Variants in FREM2 observed in about 807,000 individuals in gnomAD.
FREM2 encodes FRAS1 related extracellular matrix 2.
A neutral mutation model predicts 219.9 loss-of-function variants in FREM2; 119 were observed. The observed-to-expected ratio is 0.54, with a 90% CI of 0.47 to 0.63. The LOEUF (loss-of-function observed/expected upper bound fraction) is 0.63. Among genes scored for constraint, FREM2 ranks in the 30% least tolerant of loss-of-function variants. The pLI, the probability that FREM2 is intolerant of heterozygous loss-of-function variation, is 0.00. For missense variants in FREM2, 4,030 were observed against 3,993.6 expected (o/e 1.01, Z -0.25); for synonymous variants, 1,562 against 1,522.8 (o/e 1.03, Z -0.60).
At chr13:38,740,605 T>C (rs537125631) in intron 2 of FREM2, among the ~76,000 whole-genome samples, 1 of 152,338 alleles carries the variant, frequency 6.6e-6, no homozygotes, top group African/African-American at 2.4e-5. Context: ...AATCATTCTG[T>C]ATTCTGTTCT....
intron 2 of FREM2, among the ~76,000 whole-genome samples, chr13:38,735,025 C>A (rs961632291): frequency 1.3e-5 from 2 of 152,100 alleles, no homozygotes; most frequent in Non-Finnish European, 1.5e-5. Context: ...GGATTACAGG[C>A]GTGAGCCACT....
chr13:38,718,717 T>C (rs368874638), intron 2 of FREM2, among the ~76,000 whole-genome samples: 27 of 152,352 alleles, frequency 1.8e-4, no homozygotes, highest in Middle Eastern at 6.8e-3. Flanking sequence ...TAAACAATTA[T>C]CTCTTAATTA....
intron 2 of FREM2, among the ~76,000 whole-genome samples, chr13:38,724,529 T>C (rs1356984907): frequency 6.6e-6 from 1 of 152,214 alleles, no homozygotes; most frequent in African/African-American, 2.4e-5. Context: ...TTATGTAAAA[T>C]ACAAATTATC....
At chr13:38,863,173 C>T (rs1877825427) in intron 15 of FREM2, among the ~76,000 whole-genome samples, 1 of 152,126 alleles carries the variant, frequency 6.6e-6, no homozygotes. Context: ...CCTCAGCCTC[C>T]TAAGTAGCTG....
intron 6 of FREM2, among the ~76,000 whole-genome samples, chr13:38,808,833 A>G (rs1250055470): frequency 6.6e-6 from 1 of 151,930 alleles, no homozygotes; most frequent in Non-Finnish European, 1.5e-5. Flanking sequence ...ATGCTGTTGG[A>G]AAAATGATGC....
At chr13:38,721,963 C>A (rs973104238) in intron 2 of FREM2, among the ~76,000 whole-genome samples, 1 of 152,058 alleles carries the variant, frequency 6.6e-6, no homozygotes, top group African/African-American at 2.4e-5. Flanking sequence ...TTTCAAAGCC[C>A]AAGACAGCCC....
chr13:38,695,764 T>G (rs962874898), intron 1 of FREM2, among the ~76,000 whole-genome samples: 4 of 151,830 alleles, frequency 2.6e-5, no homozygotes, highest in African/African-American at 9.7e-5. Context: ...GTGTAGGGGC[T>G]TCAGTTCTTA....
At chr13:38,754,266 G>T (rs1005901570) in intron 2 of FREM2, among the ~76,000 whole-genome samples, 1 of 152,070 alleles carries the variant, frequency 6.6e-6, no homozygotes, top group South Asian at 2.1e-4. Context: ...CCTTTGCTTT[G>T]TCACATAATA....
rs1473613228 is a variant in FREM2 at position 38,844,260 on chromosome 13, C to A, written c.6020-2313C>A. 5.9e-5 allele frequency among the ~76,000 whole-genome samples: 9 copies of A among 152,054 alleles called. No individual in the cohort carries two copies. In the South Asian group the frequency reaches 6.2e-4, roughly 11 times the overall value. On this transcript the variant is annotated intron_variant, in intron 6 of 23. Coordinates refer to ENST00000280481, the MANE Select transcript of FREM2 (RefSeq NM_207361.6). ...TATTTTTATAACATTGTCACATGTG[C>A]CATGCCACCCCCGCCTCTTTCTTTC... is the stretch of plus-strand genomic sequence containing the variant.
At chr13:38,876,540 TGAG>T (rs1878348178) in intron 20 of FREM2, among the ~76,000 whole-genome samples, 158 bp downstream of exon 20, 1 of 152,130 alleles carries the variant, frequency 6.6e-6, no homozygotes, top group Non-Finnish European at 1.5e-5. Flanking sequence ...GATAAAAGAA[TGAG>T]GAGAGATTTG....
At chr13:38,765,760 T>C (rs891218153) in intron 3 of FREM2, among the ~76,000 whole-genome samples, 11 of 152,188 alleles carry the variant, frequency 7.2e-5, no homozygotes, top group African/African-American at 2.7e-4. Context: ...CACACGACAC[T>C]TTCCCTGTCT....
intron 4 of FREM2, among the ~76,000 whole-genome samples, chr13:38,772,727 G>A (rs998199093): frequency 3.4e-5 from 5 of 145,718 alleles, no homozygotes; most frequent in East Asian, 4.0e-4. Flanking sequence ...ACGGAGTTTC[G>A]CTCTCGCTGC....
intron 2 of FREM2, among the ~76,000 whole-genome samples, chr13:38,730,582 A>C (rs1427670745): frequency 6.6e-6 from 1 of 152,182 alleles, no homozygotes; most frequent in Non-Finnish European, 1.5e-5. Context: ...AAAGACTTGC[A>C]AGAAGAAAGT....
rs183068418 is a variant in FREM2 at position 38,690,598 on chromosome 13, T to C, written c.3254T>C (p.Ile1085Thr). 44 of 1,614,088 alleles carry C rather than the reference T, an allele frequency of 2.7e-5. No homozygotes were observed. The East Asian group carries it at 4.2e-4, about 16-fold the overall frequency. The stretch of plus-strand genomic sequence containing the variant: ...GTAATGGAAGGTGATAAAAGTGTTA[T>C]AACATCAGTGCATATAAGTGCTGAA... ...LIVMEGDKSVITSVHISAEDV... is the reference protein window; with the variant it reads ...LIVMEGDKSVTTSVHISAEDV... Residue 1085 changes from isoleucine to threonine, a missense_variant, in exon 1 of 24, where the codon ATA (isoleucine) becomes ACA (threonine). By Grantham distance (89) the Ile-to-Thr change is moderately conservative (BLOSUM62 -1). Transcript: ENST00000280481.
chr13:38,688,888 G>A lies in FREM2; in HGVS notation c.1544G>A (p.Gly515Asp). 1.9e-6 allele frequency: 3 copies of A among 1,612,842 alleles called. No individual in the cohort carries two copies. Among genetic ancestry groups the A allele is most frequent in the Non-Finnish European group, 2.5e-6 (3 of 1,179,460 alleles). Residue 515 changes from glycine to aspartate, a missense_variant, in exon 1 of 24, where the codon GGC becomes GAC. Around this residue, in one of 2 missense-constraint regions of FREM2, gnomAD observed 3,102 missense variants for 2,950.7 expected, o/e 1.05. Transcript: ENST00000280481. ...KSFTVAELAA[G>D]QVVYQHDDRD... ...TTTACAGTGGCTGAGCTGGCAGCCG[G>A]CCAGGTGGTCTACCAGCATGATGAC... is the stretch of plus-strand genomic sequence containing the variant.
intron 2 of FREM2, among the ~76,000 whole-genome samples, chr13:38,724,788 C>T (rs1023795654): frequency 2.0e-5 from 3 of 152,102 alleles, no homozygotes; most frequent in South Asian, 4.1e-4. Flanking sequence ...GCACACTAGC[C>T]CCCTATCAGT....
In FREM2 at chr13:38,687,632, G is replaced by T. The variant is rs1869533518; in HGVS notation, c.288G>T (p.Val96=). 1 of 1,609,328 alleles carries T rather than the reference G, an allele frequency of 6.2e-7. No homozygotes were observed. The highest frequency in any genetic ancestry group is 8.5e-7 in the Non-Finnish European group (1 of 1,177,944). Residue 96 remains valine (V), a synonymous_variant, in exon 1 of 24, where the codon GTG becomes GTT. Transcript: ENST00000280481. The part of the protein sequence containing the change: ...EVWLDPLHDL[V]LQVQPGDRCA... Reference sequence around the variant, plus strand: ...GGCTGGATCCCCTGCATGACCTGGTGTTGCAGGTGCAGCCCGGGGACCGCT... The same window carrying T: ...GGCTGGATCCCCTGCATGACCTGGTTTTGCAGGTGCAGCCCGGGGACCGCT...
At position 38,690,116 on chromosome 13, in the gene FREM2, G is replaced by T. The variant is rs1038005776; in HGVS notation, c.2772G>T (p.Val924=). 6.2e-7 allele frequency: 1 copy of T among 1,613,998 alleles called. No homozygotes were observed. Among genetic ancestry groups the T allele is most frequent in the African/African-American group, 1.3e-5 (1 of 74,908 alleles). Residue 924 remains valine (V), a synonymous_variant, in exon 1 of 24, where the codon GTG becomes GTT. Transcript: ENST00000280481. ...CSLEVSDRHH[V]VPITLRVNVR... ...TGGAAGTCAGTGACAGACATCATGTGGTGCCCATCACTCTCAGAGTAAATG... is the reference window on the plus strand; with the variant it reads ...TGGAAGTCAGTGACAGACATCATGTTGTGCCCATCACTCTCAGAGTAAATG...
chr13:38,688,089 C>G lies in FREM2; in HGVS notation c.745C>G (p.Pro249Ala). The G allele has an allele frequency of 6.2e-7, 1 of 1,609,798 alleles. No homozygotes were observed. The highest frequency in any genetic ancestry group is 8.5e-7 in the Non-Finnish European group (1 of 1,176,778). The part of the protein sequence containing the change: ...VPGGAREGGA[P>A]ETLLMDCKAF... ...TGGAGGAGCCAGAGAGGGAGGCGCCCCGGAGACTCTCCTGATGGACTGCAA... is the reference window on the plus strand; with the variant it reads ...TGGAGGAGCCAGAGAGGGAGGCGCCGCGGAGACTCTCCTGATGGACTGCAA... The change falls in exon 1 of 24, where the codon CCG becomes GCG. Residue 249 changes from proline (P) to alanine (A), a missense_variant. By Grantham distance (27) the Pro-to-Ala change is conservative (BLOSUM62 -1). This residue lies in a region of FREM2 where 3,102 missense variants were observed against 2,950.7 expected (regional missense o/e 1.05). Transcript: ENST00000280481.
Sources: allele counts gnomAD v4.1 joint callset (sites outside exome capture counted in the v4.1 genomes callset), GRCh38; gene constraint gnomAD v4.1.1; regional missense constraint gnomAD v4.1.1; transcripts MANE v1.5; gene names NCBI Gene and HGNC (gene_info 2026-07-23, HGNC 2026-07-21).